The following HTR4 variants were observed in gnomAD, a reference collection of about 807,000 sequenced individuals.
HTR4 encodes the protein 5-hydroxytryptamine (serotonin) receptor 4, G protein-coupled.
A neutral mutation model predicts 36.8 loss-of-function variants in HTR4; 16 were observed. The observed-to-expected ratio is 0.43, with a 90% CI of 0.29 to 0.66. The LOEUF (loss-of-function observed/expected upper bound fraction) is 0.66. Ranked by LOEUF, HTR4 falls within the 30% of genes least tolerant of loss-of-function variation. The pLI, the probability that HTR4 is intolerant of heterozygous loss-of-function variation, is 0.13. For synonymous variants in HTR4, 189 were observed against 185.1 expected (o/e 1.02, Z -0.17); for missense variants, 438 against 490.9 (o/e 0.89, Z 1.02).
intron 5 of HTR4, among the ~76,000 whole-genome samples, chr5:148,517,909 T>A (rs946733312): frequency 6.6e-6 from 1 of 152,070 alleles, no homozygotes; most frequent in East Asian, 1.9e-4. Flanking sequence ...ACCTGAAAAG[T>A]CCTACACGAT....
chr5:148,456,349 A>C (rs2037997), intron 5 of HTR4, among the ~76,000 whole-genome samples: 65,586 of 152,058 alleles, frequency 0.43, 16,793 homozygotes, highest in African/African-American at 0.72. Context: ...GCGTTCATGT[A>C]CACACCGCTG....
intron 2 of HTR4, among the ~76,000 whole-genome samples, chr5:148,574,392 T>G (rs7703168): frequency 0.033 from 4,895 of 148,144 alleles, 122 homozygotes; most frequent in South Asian, 0.099. Flanking sequence ...TCTCGCGCGC[T>G]CTCTCTCTCT....
downstream of HTR4, among the ~76,000 whole-genome samples, chr5:148,475,711 A>T (rs904490491): frequency 6.6e-6 from 1 of 151,992 alleles, no homozygotes; most frequent in Admixed American, 6.5e-5. Context: ...TTTCCATATG[A>T]CTCCACATAC....
intron 5 of HTR4, among the ~76,000 whole-genome samples, chr5:148,456,257 T>C (rs1755099262): frequency 6.6e-6 from 1 of 152,168 alleles, no homozygotes; most frequent in Admixed American, 6.5e-5. Context: ...TGGTAATAAA[T>C]AAATAATAGG....
At chr5:148,613,106 G>A (rs1752509886) in intron 2 of HTR4, among the ~76,000 whole-genome samples, 1 of 147,086 alleles carries the variant, frequency 6.8e-6, no homozygotes, top group Admixed American at 6.8e-5. Context: ...GAGGTACAAG[G>A]AGGAACTGGT....
chr5:148,556,668 A>C (rs552822819), intron 2 of HTR4, among the ~76,000 whole-genome samples: 1 of 152,304 alleles, frequency 6.6e-6, no homozygotes, highest in East Asian at 1.9e-4. Flanking sequence ...ATTTATATTA[A>C]TCCACTGAGG....
chr5:148,577,246 G>A (rs1760960822), intron 2 of HTR4, among the ~76,000 whole-genome samples: 1 of 152,076 alleles, frequency 6.6e-6, no homozygotes, highest in Admixed American at 6.6e-5. Context: ...TTAGGGAAAT[G>A]CAAATTAAAA....
At position 148,523,222 on chromosome 5, in the gene HTR4, C is replaced by T. The variant is rs1199761395; in HGVS notation, c.478G>A (p.Gly160Ser). The part of the protein sequence containing the change: ...TFISFLPIMQ[G>S]WNNIGIIDLI... The stretch of plus-strand genomic sequence containing the variant: ...TCAATTATGCCAATGTTATTCCAGC[C>T]TTGCATTATAGGGAGAAAAGAAATA... The change falls in exon 5 of 7, where the codon GGC (glycine) becomes AGC (serine). Residue 160 changes from glycine to serine, a missense_variant. Coordinates refer to ENST00000377888, the MANE Select transcript of HTR4 (RefSeq NM_000870.7). 1.1e-5 allele frequency: 17 copies of T among 1,613,662 alleles called. No individual in the cohort carries two copies. Among genetic ancestry groups the T allele is most frequent in the Non-Finnish European group, 1.4e-5 (17 of 1,179,772 alleles).
At chr5:148,475,975 A>G (rs549113118), downstream of HTR4, among the ~76,000 whole-genome samples, 63 of 152,354 alleles carry the variant, frequency 4.1e-4, no homozygotes, top group African/African-American at 1.5e-3. Flanking sequence ...ACTTATGTCC[A>G]TGTAATGTCA....
chr5:148,459,111 C>G (rs1331499816), intron 5 of HTR4, among the ~76,000 whole-genome samples: 2 of 152,110 alleles, frequency 1.3e-5, no homozygotes, highest in Non-Finnish European at 2.9e-5. Flanking sequence ...CTGACAGGAT[C>G]TGCTGATGCA....
chr5:148,556,322 A>G (rs1990934), intron 2 of HTR4, among the ~76,000 whole-genome samples: 1 of 151,672 alleles, frequency 6.6e-6, no homozygotes, highest in Non-Finnish European at 1.5e-5. Flanking sequence ...CCACGCCCAG[A>G]CTTTATTGTT....
At position 148,568,569 on chromosome 5, in the gene HTR4, G is replaced by C. The variant is rs748723904; in HGVS notation, c.27-18307C>G. Among the ~76,000 whole-genome samples, 156 of 151,958 alleles carry C rather than the reference G, an allele frequency of 1.0e-3. 1 individual carries two copies. The highest frequency in any genetic ancestry group is 5.4e-3 in the Admixed American group (83 of 15,240). On this transcript the variant is annotated intron_variant, in intron 2 of 6. Coordinates refer to ENST00000377888, the MANE Select transcript of HTR4 (RefSeq NM_000870.7). ...CAAATTGTCCATGAGCTTAACTAAAGACACACACATTTATAAGTAGCCAGG... is the reference window on the plus strand; with the variant it reads ...CAAATTGTCCATGAGCTTAACTAAACACACACACATTTATAAGTAGCCAGG...
At position 148,482,523 on chromosome 5, in the gene HTR4, G is replaced by A. The variant is rs1371576277; in HGVS notation, c.*680C>T. The A allele has an allele frequency of 1.0e-6, 1 of 985,462 alleles. No individual in the cohort carries two copies. Among genetic ancestry groups the A allele is most frequent in the Admixed American group, 6.1e-5 (1 of 16,298 alleles). The allele number at this position is 985,462 out of a possible 1,614,324, so 61.0% of individuals were successfully genotyped here. A position where few individuals can be genotyped will look rare whatever the true frequency, so the allele number is the denominator to read the frequency against. On this transcript the variant is annotated 3_prime_UTR_variant, in exon 7 of 7. Coordinates refer to ENST00000377888, the MANE Select transcript of HTR4 (RefSeq NM_000870.7). The stretch of plus-strand genomic sequence containing the variant: ...AGATCTCTGACCCTGTGTCTTCCAT[G>A]GAAAATAAATGGAGCATGTCCTGAA...
intron 2 of HTR4, among the ~76,000 whole-genome samples, chr5:148,561,643 C>G (rs1000124042): frequency 6.6e-6 from 1 of 150,500 alleles, no homozygotes; most frequent in Admixed American, 6.6e-5. Flanking sequence ...TTTTTTTACA[C>G]ACACTTGTTA....
At chr5:148,492,426 T>C (rs1285166876) in intron 6 of HTR4, among the ~76,000 whole-genome samples, 4 of 152,212 alleles carry the variant, frequency 2.6e-5, no homozygotes, top group Non-Finnish European at 4.4e-5. Flanking sequence ...GTGATTAATT[T>C]ATTTCTGGCT....
chr5:148,624,476 G>C (rs1753024440), intron 2 of HTR4, among the ~76,000 whole-genome samples: 1 of 152,204 alleles, frequency 6.6e-6, no homozygotes, highest in African/African-American at 2.4e-5. Flanking sequence ...GTGCCTGTTA[G>C]CTAGTAGTAG....
chr5:148,580,110 C>T (rs1202312126), intron 2 of HTR4, among the ~76,000 whole-genome samples: 1 of 151,974 alleles, frequency 6.6e-6, no homozygotes, highest in Non-Finnish European at 1.5e-5. Flanking sequence ...ATTGGCTTTG[C>T]AATCCTCAGC....
At chr5:148,649,204 A>AGTT (rs1011522352) in intron 1 of HTR4, among the ~76,000 whole-genome samples, 8 of 151,970 alleles carry the variant, frequency 5.3e-5, no homozygotes, top group African/African-American at 1.9e-4. Context: ...ATTAAATCTG[A>AGTT]GTTTCAGAAC....
At chr5:148,558,008 A>G (rs562414985) in intron 2 of HTR4, among the ~76,000 whole-genome samples, 1 of 151,960 alleles carries the variant, frequency 6.6e-6, no homozygotes, top group African/African-American at 2.4e-5. Flanking sequence ...ACCTGTTAGG[A>G]GTGTCATGTA....
Sources: gnomAD v4.1 joint callset for allele counts (sites outside exome capture counted in the v4.1 genomes callset) on GRCh38, gnomAD v4.1.1 for gene constraint, MANE v1.5 for transcripts, NCBI Gene and HGNC (gene_info 2026-07-23, HGNC 2026-07-21) for gene names.